The following RAPGEF1 variants were observed in gnomAD, a reference collection of about 807,000 sequenced individuals.
RAPGEF1 encodes the protein CRK SH3-binding GNRP.
RAPGEF1 carries 33 observed loss-of-function variants against 143.3 expected under a neutral mutation model. The observed-to-expected ratio is 0.23, with a 90% confidence interval of 0.17 to 0.31. The LOEUF is 0.31. RAPGEF1 is among the 10% of genes least tolerant of loss of function. The pLI is 1.00. For missense variants in RAPGEF1, 1,199 were observed against 1,645.4 expected, an observed-to-expected ratio of 0.73 and a Z score of 4.69; for synonymous variants, 629 against 676.5, an observed-to-expected ratio of 0.93 and a Z score of 1.09.
At chr9:131,639,094 T>C (rs770659475) in intron 4 of RAPGEF1, among the ~76,000 whole-genome samples, 67 of 152,354 alleles carry the variant, frequency 4.4e-4, no homozygotes, top group Admixed American at 8.5e-4. Context: ...TACAAGATTC[T>C]GATCACATCT....
At chr9:131,608,803 T>C (rs1957532863) in intron 12 of RAPGEF1, among the ~76,000 whole-genome samples, 1 of 152,102 alleles carries the variant, frequency 6.6e-6, no homozygotes, top group African/African-American at 2.4e-5. Flanking sequence ...GGTCACACCA[T>C]TTACAACAGG....
At chr9:131,713,610 T>C (rs1835661499) in intron 1 of RAPGEF1, among the ~76,000 whole-genome samples, 1 of 152,190 alleles carries the variant, frequency 6.6e-6, no homozygotes, top group Non-Finnish European at 1.5e-5. Flanking sequence ...TACATTCATG[T>C]GTACCATTAT....
At chr9:131,602,017 G>A (rs764582522) in intron 15 of RAPGEF1, 44 bp downstream of exon 15, 12 of 1,458,994 alleles carry the variant, frequency 8.2e-6, no homozygotes, top group Non-Finnish European at 1.1e-5. Context: ...ATGAGTGGGC[G>A]CACTGCTCTC....
At chr9:131,627,213 C>CAAAAA (rs10690802) in intron 9 of RAPGEF1, among the ~76,000 whole-genome samples, 10 of 97,414 alleles carry the variant, frequency 1.0e-4, no homozygotes, top group African/African-American at 3.3e-4. Context: ...GGCTCTGTCT[C>CAAAAA]AAAAAAAAAA....
chr9:131,590,349 TC>T, intron 18 of RAPGEF1, among the ~76,000 whole-genome samples: 1 of 151,864 alleles, frequency 6.6e-6, no homozygotes, highest in Middle Eastern at 3.4e-3. Context: ...CCAAACACCC[TC>T]CAAACCCCAG....
intron 12 of RAPGEF1, among the ~76,000 whole-genome samples, chr9:131,617,495 G>A (rs1408986105): frequency 6.6e-6 from 1 of 152,234 alleles, no homozygotes; most frequent in African/African-American, 2.4e-5. Context: ...AACCAGACAA[G>A]ACCAAACTGG....
intron 1 of RAPGEF1, among the ~76,000 whole-genome samples, chr9:131,705,739 C>G (rs923663770): frequency 2.0e-5 from 3 of 152,004 alleles, no homozygotes; most frequent in Non-Finnish European, 4.4e-5. Context: ...TATAATGGTC[C>G]CCTCATCGGG....
Position 131,638,584 on chromosome 9 carries a change from G to T in RAPGEF1, c.651+51C>A. 3 of 1,594,392 alleles carry T rather than the reference G, an allele frequency of 1.9e-6. No homozygotes were observed. The South Asian group carries it at 3.3e-5, about 18-fold the overall frequency. On this transcript the variant is annotated intron_variant, in intron 5 of 26. Transcript: ENST00000683357. ...GCTCTTATGTGACAAGCACCAGCAGGCAGGCTGCTCTAAGTCCCTGACTGG... is the reference window on the plus strand; with the variant it reads ...GCTCTTATGTGACAAGCACCAGCAGTCAGGCTGCTCTAAGTCCCTGACTGG...
intron 1 of RAPGEF1, among the ~76,000 whole-genome samples, chr9:131,687,833 A>G (rs1236454175): frequency 6.6e-6 from 1 of 152,226 alleles, no homozygotes; most frequent in Admixed American, 6.5e-5. Context: ...AATGTTCTAT[A>G]TAAATGGGAA....
intron 1 of RAPGEF1, among the ~76,000 whole-genome samples, chr9:131,673,918 A>G (rs1239771823): frequency 6.6e-6 from 1 of 152,208 alleles, no homozygotes. Context: ...CTCAGATCTA[A>G]GGGTCCCTTG....
intron 14 of RAPGEF1, among the ~76,000 whole-genome samples, chr9:131,602,919 G>A (rs1220234227): frequency 6.6e-6 from 1 of 152,252 alleles, no homozygotes; most frequent in Non-Finnish European, 1.5e-5. Context: ...CAAGGAGCCA[G>A]TGAGCCCTGG....
intron 1 of RAPGEF1, among the ~76,000 whole-genome samples, chr9:131,678,611 G>A (rs1398222069): frequency 6.6e-6 from 1 of 152,182 alleles, no homozygotes; most frequent in Non-Finnish European, 1.5e-5. Flanking sequence ...TGGCAGAAGT[G>A]AGACGGTGAT....
In RAPGEF1 at chr9:131,583,146, T is replaced by G. The variant is rs1382513277; in HGVS notation, c.3415-444A>C. ...CAGGGAGGACCAACTAAAGATAGCA[T>G]GTGACCTCGCCCTCCCCAGGGCTGG... On this transcript the variant is annotated intron_variant, in intron 24 of 26. Coordinates refer to ENST00000683357, the MANE Select transcript of RAPGEF1 (RefSeq NM_001377935.1). This position sits in a 1 kb window ranked among gnomAD's most constrained non-coding sequence, Gnocchi z 4.7. 6.6e-6 allele frequency among the ~76,000 whole-genome samples: 1 copy of G among 152,128 alleles called. No homozygotes were observed. The highest frequency in any genetic ancestry group is 1.5e-5 in the Non-Finnish European group (1 of 68,010).
intron 22 of RAPGEF1, among the ~76,000 whole-genome samples, chr9:131,586,667 C>T (rs1196246134): frequency 7.5e-6 from 1 of 132,954 alleles, no homozygotes; most frequent in Non-Finnish European, 1.6e-5. Flanking sequence ...CACACACACA[C>T]ACCCCTGCAG....
intron 6 of RAPGEF1, 142 bp from the exon 7 acceptor site, chr9:131,629,396 C>G: frequency 1.2e-6 from 1 of 855,684 alleles, no homozygotes; most frequent in Non-Finnish European, 1.8e-6. Context: ...GGATATAGAA[C>G]CCTGGGGTTC....
chr9:131,692,603 T>G (rs2131029958), intron 1 of RAPGEF1, among the ~76,000 whole-genome samples: 1 of 152,348 alleles, frequency 6.6e-6, no homozygotes, highest in South Asian at 2.1e-4. Context: ...CAGGACAAGC[T>G]GACAACTTCA....
rs147631521 is a variant in RAPGEF1, at chr9:131,698,729, C to T, written c.61+41041G>A. 3.2e-3 allele frequency among the ~76,000 whole-genome samples: 480 copies of T among 152,294 alleles called. 8 individuals are homozygous for T. Among genetic ancestry groups the T allele is most frequent in the East Asian group, 7.3e-3 (38 of 5,174 alleles). ...GGGCCTCAGGGCTGCCCCCCTTCCC[C>T]GACCAGGTGAGCAACCCCACTACGG... On this transcript the variant is annotated intron_variant, in intron 1 of 26. Coordinates refer to ENST00000683357, the MANE Select transcript of RAPGEF1 (RefSeq NM_001377935.1).
At chr9:131,630,360 C>T in intron 5 of RAPGEF1, 36 bp from the exon 6 acceptor site, 2 of 1,601,538 alleles carry the variant, frequency 1.2e-6, no homozygotes, top group Non-Finnish European at 1.7e-6. Flanking sequence ...AGCAAAGCTC[C>T]CGTCACCACT....
chr9:131,619,289 G>A (rs1436615710), intron 11 of RAPGEF1, 83 bp from the exon 12 acceptor site: 28 of 1,173,302 alleles, frequency 2.4e-5, no homozygotes, highest in Middle Eastern at 2.5e-4. Context: ...GGGAAAGGCC[G>A]TGGAGGTTGC....
Sources: gnomAD v4.1 joint callset for allele counts (sites outside exome capture counted in the v4.1 genomes callset) on GRCh38, gnomAD v4.1.1 for gene constraint, Gnocchi (gnomAD v3.1) non-coding constraint, MANE v1.5 for transcripts, NCBI Gene and HGNC (gene_info 2026-07-23, HGNC 2026-07-21) for gene names.